Variants in TUB observed in about 807,000 individuals in gnomAD.
The protein encoded by TUB is tubby protein homolog.
Under a neutral mutation model 59.7 loss-of-function variants are expected in TUB, and 33 were observed. The observed-to-expected ratio is 0.55, with a 90% CI of 0.42 to 0.74. The LOEUF (loss-of-function observed/expected upper bound fraction) is 0.74, where lower values mean the gene tolerates loss of function less well. Ranked by LOEUF, TUB falls within the 30% of genes least tolerant of loss-of-function variation. The probability of loss-of-function intolerance (pLI) is 0.00; values close to 1 mark genes in which losing one functional copy is unlikely to be tolerated. For missense variants in TUB, 659 were observed against 672.0 expected (o/e 0.98, Z 0.21); for synonymous variants, 293 against 256.4 (o/e 1.14, Z -1.36).
chr11:8,034,677 G>A (rs1480091858), upstream of TUB, among the ~76,000 whole-genome samples: 2 of 152,132 alleles, frequency 1.3e-5, no homozygotes. Context: ...TCAGCTTCAG[G>A]CAATTACAGC....
chr11:8,095,577 A>G lies in TUB; in HGVS notation c.477A>G (p.Ser159=). The change falls in exon 5 of 12, where the codon TCA becomes TCG. Residue 159 remains serine (S), a synonymous_variant. Transcript: ENST00000299506. Reference sequence around the variant, plus strand: ...TGCAGATTCTGACTGTGGGCCAGTCAGACCACGCCCAGGACGCAGGGGAGA... The same window carrying G: ...TGCAGATTCTGACTGTGGGCCAGTCGGACCACGCCCAGGACGCAGGGGAGA... ...GPVQILTVGQ[S]DHAQDAGETA... 1 of 1,613,274 alleles carries G rather than the reference A, an allele frequency of 6.2e-7. No homozygotes were observed.
At position 8,081,567 on chromosome 11, in the gene TUB, G is replaced by A. The variant is rs754417087; in HGVS notation, c.38+19G>A. 4 of 1,524,834 alleles carry A rather than the reference G, an allele frequency of 2.6e-6. No homozygotes were observed. The highest frequency in any genetic ancestry group is 1.4e-5 in the African/African-American group (1 of 69,886). The allele number at this position is 1,524,834 out of a possible 1,614,324, so 94.5% of individuals were successfully genotyped here. On this transcript the variant is annotated intron_variant, in intron 1 of 11. Coordinates refer to ENST00000299506, the MANE Select transcript of TUB (RefSeq NM_177972.3). ...CCTACAGGTACGCGGGCGCCGGGCC[G>A]GGGCGCCCACCACTCCCGACTCGGG...
chr11:8,100,440 C>A (rs1944224412), intron 9 of TUB, 63 bp from the exon 10 acceptor site: 2 of 1,316,596 alleles, frequency 1.5e-6, no homozygotes, highest in Middle Eastern at 2.0e-4. Flanking sequence ...TTCCCGTCCC[C>A]CCCACCTTCT....
chr11:8,089,600 C>G lies in TUB; in HGVS notation c.39-10C>G. The G allele has an allele frequency of 1.9e-6, 3 of 1,614,000 alleles. No individual in the cohort carries two copies. The highest frequency in any genetic ancestry group is 2.5e-6 in the Non-Finnish European group (3 of 1,179,916). On this transcript the variant is annotated splice_polypyrimidine_tract_variant and intron_variant, in intron 1 of 11. Transcript: ENST00000299506. ...GGGCAAGCCCTGAAAACCCCTCTTT[C>G]GCTCTGCAGTGTCTTAGATGATGAG...
At chr11:8,075,636 G>A (rs1025968702) in intron 2 of TUB, 5 of 152,074 alleles carry the variant, frequency 3.3e-5, no homozygotes, top group Admixed American at 1.3e-4. Flanking sequence ...TTAAATTTAG[G>A]GTAAGTCCCA....
intron 2 of TUB, among the ~76,000 whole-genome samples, chr11:8,057,225 C>G (rs1262913726): frequency 6.6e-6 from 1 of 152,150 alleles, no homozygotes; most frequent in South Asian, 2.1e-4. Context: ...TTTGTAAGCC[C>G]TTTGCTCAAC....
chr11:8,100,457 G>A, intron 9 of TUB, 46 bp from the exon 10 acceptor site: 2 of 1,502,150 alleles, frequency 1.3e-6, no homozygotes, highest in African/African-American at 1.4e-5. Context: ...TTCTCCAGTA[G>A]GTAAATAGAC....
chr11:8,060,974 C>T (rs532249261), intron 2 of TUB, among the ~76,000 whole-genome samples: 6 of 152,330 alleles, frequency 3.9e-5, no homozygotes, highest in African/African-American at 1.4e-4. Flanking sequence ...CGGGTGATTT[C>T]ATCAGTGGAT....
chr11:8,050,589 A>G (rs1942918902), intron 2 of TUB, among the ~76,000 whole-genome samples: 1 of 152,084 alleles, frequency 6.6e-6, no homozygotes, highest in African/African-American at 2.4e-5. Context: ...CTTTTCATTC[A>G]TGTATTTCTT....
intron 2 of TUB, among the ~76,000 whole-genome samples, chr11:8,064,501 G>C (rs1192511800): frequency 1.3e-5 from 2 of 152,210 alleles, no homozygotes; most frequent in Admixed American, 6.5e-5. Flanking sequence ...GGCTAGAGAG[G>C]CCTGGCTGGG....
In TUB at chr11:8,066,232, C is replaced by T. The variant is rs76317846; in HGVS notation, c.204-23378C>T. On this transcript the variant is annotated intron_variant, in intron 2 of 12. Transcript: ENST00000305253. The stretch of plus-strand genomic sequence containing the variant: ...TCCAGAACCAACAGGTCTGCTCAGA[C>T]GCTGGACATGAGGTTCCACTTGGCA... 8.9e-3 allele frequency among the ~76,000 whole-genome samples: 1,350 copies of T among 152,288 alleles called. 25 individuals carry two copies. Among genetic ancestry groups the T allele is most frequent in the African/African-American group, 0.03 (1,267 of 41,554 alleles).
upstream of TUB, among the ~76,000 whole-genome samples, chr11:8,079,501 T>C (rs1197798759): frequency 3.9e-5 from 6 of 152,166 alleles, no homozygotes; most frequent in African/African-American, 1.2e-4. Context: ...GTGTTTTATT[T>C]TGTCTGCTCT....
chr11:8,093,370 A>T lies in TUB; in HGVS notation c.254-676A>T, dbSNP rs532358396. On this transcript the variant is annotated intron_variant, in intron 3 of 11. Coordinates refer to ENST00000299506, the MANE Select transcript of TUB (RefSeq NM_177972.3). ...AACTCTTGGTGCCCCAGAGGTGGGGAGTATGTGTTTATTTTAGACCTAGGG... is the reference window on the plus strand; with the variant it reads ...AACTCTTGGTGCCCCAGAGGTGGGGTGTATGTGTTTATTTTAGACCTAGGG... Among the ~76,000 whole-genome samples the T allele has an allele frequency of 1.7e-3, 262 of 151,984 alleles. 2 individuals are homozygous for T. The highest frequency in any genetic ancestry group is 6.8e-4 in the Non-Finnish European group (46 of 67,996).
intron 1 of TUB, among the ~76,000 whole-genome samples, chr11:8,030,247 G>T (rs1435329526): frequency 6.6e-6 from 1 of 152,184 alleles, no homozygotes; most frequent in Non-Finnish European, 1.5e-5. Flanking sequence ...CAGGGACATT[G>T]TATCTGTGAC....
intron 1 of TUB, among the ~76,000 whole-genome samples, chr11:8,025,742 G>T (rs1340598442): frequency 6.6e-6 from 1 of 152,008 alleles, no homozygotes; most frequent in African/African-American, 2.4e-5. Context: ...CCACTTTTTG[G>T]CTATTACAAA....
chr11:8,063,588 C>T (rs1371852003), intron 2 of TUB, among the ~76,000 whole-genome samples: 1 of 152,206 alleles, frequency 6.6e-6, no homozygotes, highest in Non-Finnish European at 1.5e-5. Context: ...ACCCAGTTTG[C>T]TTTAGTCAAT....
intron 2 of TUB, among the ~76,000 whole-genome samples, chr11:8,062,399 G>A (rs902024600): frequency 1.3e-5 from 2 of 152,102 alleles, no homozygotes; most frequent in African/African-American, 4.8e-5. Context: ...GGGCTGAGGC[G>A]GAGGCTGGCT....
At chr11:8,041,862 A>C (rs1284546206) in intron 2 of TUB, among the ~76,000 whole-genome samples, 2 of 152,176 alleles carry the variant, frequency 1.3e-5, no homozygotes, top group Admixed American at 6.5e-5. Context: ...GTGAATTGAC[A>C]TTGGTCCAAA....
rs374860863 is a variant in TUB at position 8,029,263 on chromosome 11, A to G, written c.56+9905A>G. Among the ~76,000 whole-genome samples the G allele has an allele frequency of 1.8e-4, 27 of 152,242 alleles. No individual in the cohort carries two copies. In the South Asian group the frequency reaches 5.0e-3, roughly 28 times the overall value. On this transcript the variant is annotated intron_variant, in intron 1 of 11. Coordinates refer to the TUB transcript ENST00000534099. ...TTTGTTGAGTTGAAGAAGTAGCCAAATTCTTATTGTAAAAGTAGCCTTTCG... is the reference window on the plus strand; with the variant it reads ...TTTGTTGAGTTGAAGAAGTAGCCAAGTTCTTATTGTAAAAGTAGCCTTTCG...
Sources: gnomAD v4.1 joint callset for allele counts (sites outside exome capture counted in the v4.1 genomes callset) on GRCh38, gnomAD v4.1.1 for gene constraint, MANE v1.5 for transcripts, NCBI Gene and HGNC (gene_info 2026-07-23, HGNC 2026-07-21) for gene names.